Variants in CCDC39 observed in about 807,000 individuals in gnomAD.
The protein encoded by CCDC39 is coiled-coil domain 39 molecular ruler complex subunit.
Under a neutral mutation model 121.0 loss-of-function variants are expected in CCDC39, and 113 were observed. The ratio of observed to expected loss-of-function variants is 0.93; its 90% CI spans 0.80 to 1.09. The LOEUF (loss-of-function observed/expected upper bound fraction) is 1.09, where lower values mean the gene tolerates loss of function less well. CCDC39 is among the 50% of genes least tolerant of loss of function. The pLI, the probability that CCDC39 is intolerant of heterozygous loss-of-function variation, is 0.00. For missense variants in CCDC39, 1,063 were observed against 1,074.7 expected, an observed-to-expected ratio of 0.99 and a Z score of 0.15; for synonymous variants, 349 against 352.2, an observed-to-expected ratio of 0.99 and a Z score of 0.10.
In CCDC39 at chr3:180,614,868, A is replaced by G; in HGVS notation, c.*53T>C. 1 of 1,479,560 alleles carries G rather than the reference A, an allele frequency of 6.8e-7. No homozygotes were observed. Among genetic ancestry groups the G allele is most frequent in the African/African-American group, 1.4e-5 (1 of 70,932 alleles). The allele number at this position is 1,479,560 out of a possible 1,614,324, so 91.7% of individuals were successfully genotyped here. Reference sequence around the variant, plus strand: ...AATGTGTTGGGTCGTTTTGTATTTTAAAGTATATTTTTGTTTTTGTGTTTA... The same window carrying G: ...AATGTGTTGGGTCGTTTTGTATTTTGAAGTATATTTTTGTTTTTGTGTTTA... On this transcript the variant is annotated 3_prime_UTR_variant, in exon 20 of 20. Transcript: ENST00000476379.
intron 10 of CCDC39, 87 bp downstream of exon 10, chr3:180,648,078 T>C: frequency 1.8e-6 from 2 of 1,091,534 alleles, no homozygotes; most frequent in Middle Eastern, 3.0e-4. Flanking sequence ...GGGCTTATAA[T>C]TCTTTGTTTT....
At chr3:180,676,635 A>T (rs924928020) in intron 1 of CCDC39, among the ~76,000 whole-genome samples, 1 of 152,202 alleles carries the variant, frequency 6.6e-6, no homozygotes, top group Non-Finnish European at 1.5e-5. Context: ...CAGCCATCCC[A>T]TTACTGGGTA....
intron 11 of CCDC39, among the ~76,000 whole-genome samples, chr3:180,646,660 G>A (rs779036353): frequency 7.2e-5 from 11 of 151,994 alleles, no homozygotes; most frequent in Non-Finnish European, 1.5e-4. Context: ...ATTTGTTATG[G>A]CAGTTAATAA....
chr3:180,618,168 A>G (rs79374277), intron 16 of CCDC39, among the ~76,000 whole-genome samples: 4 of 152,304 alleles, frequency 2.6e-5, no homozygotes, highest in African/African-American at 9.6e-5. Flanking sequence ...TATGATGTTC[A>G]CACAGTGACA....
intron 1 of CCDC39, among the ~76,000 whole-genome samples, chr3:180,673,995 T>C (rs1712121166): frequency 6.6e-6 from 1 of 152,008 alleles, no homozygotes; most frequent in South Asian, 2.1e-4. Flanking sequence ...TTTAAAGTAG[T>C]TTTTTCCAGT....
intron 9 of CCDC39, among the ~76,000 whole-genome samples, chr3:180,648,690 CAG>C (rs1267490335): frequency 2.0e-5 from 3 of 152,188 alleles, no homozygotes; most frequent in African/African-American, 7.2e-5. Flanking sequence ...TGTACATGCA[CAG>C]AGTTTCCTAA....
chr3:180,620,177 T>G (rs1306420138), intron 14 of CCDC39, among the ~76,000 whole-genome samples: 1 of 150,536 alleles, frequency 6.6e-6, no homozygotes, highest in Non-Finnish European at 1.5e-5. Flanking sequence ...GCACATAGGA[T>G]ACAGAATTCA....
intron 19 of CCDC39, among the ~76,000 whole-genome samples, chr3:180,615,942 TA>T (rs1394984462): frequency 6.6e-6 from 1 of 152,220 alleles, no homozygotes; most frequent in Non-Finnish European, 1.5e-5. Context: ...TACATGTTTT[TA>T]AAAAAATTCC....
At chr3:180,626,868 A>G (rs1235034281) in intron 14 of CCDC39, among the ~76,000 whole-genome samples, 1 of 152,248 alleles carries the variant, frequency 6.6e-6, no homozygotes, top group Non-Finnish European at 1.5e-5. Context: ...TAGTTGCAGT[A>G]GTGTTTCAAG....
chr3:180,640,850 C>T (rs1717937918), intron 13 of CCDC39, among the ~76,000 whole-genome samples: 1 of 151,234 alleles, frequency 6.6e-6, no homozygotes, highest in Non-Finnish European at 1.5e-5. Flanking sequence ...CTTTGAAAAA[C>T]AAAAAAGATA....
At position 180,644,142 on chromosome 3, in the gene CCDC39, T is replaced by C. The variant is rs982941733; in HGVS notation, c.1643A>G (p.Asp548Gly). The change falls in exon 12 of 20, where the codon GAT becomes GGT. Residue 548 changes from aspartate (D) to glycine (G), a missense_variant. Physicochemically the swap from Asp to Gly is moderately conservative, Grantham distance 94. Transcript: ENST00000476379. ...CACCTGCTTAAAACCTTTGGCTTTATCAAGTTCTTTCTCTGATCTGTCGAT... is the reference window on the plus strand; with the variant it reads ...CACCTGCTTAAAACCTTTGGCTTTACCAAGTTCTTTCTCTGATCTGTCGAT... ...LFIDRSEKEL[D>G]KAKGFKQDLM... 2.6e-6 allele frequency: 4 copies of C among 1,545,526 alleles called. No homozygotes were observed. Among genetic ancestry groups the C allele is most frequent in the Non-Finnish European group, 3.5e-6 (4 of 1,144,770 alleles).
chr3:180,633,839 C>CA, intron 13 of CCDC39, among the ~76,000 whole-genome samples: 1 of 152,290 alleles, frequency 6.6e-6, no homozygotes, highest in Middle Eastern at 3.4e-3. Context: ...CCTGACTCTT[C>CA]ACCAGGCAGG....
intron 2 of CCDC39, 84 bp downstream of exon 2, chr3:180,663,783 A>G: frequency 2.4e-6 from 3 of 1,265,410 alleles, no homozygotes; most frequent in Non-Finnish European, 3.4e-6. Context: ...TTCCTATTAT[A>G]GCTGTAAAAA....
chr3:180,671,054 A>G lies in CCDC39; in HGVS notation c.91-7068T>C, dbSNP rs575468212. Reference sequence around the variant, plus strand: ...TGGCAAAACCCTGTGTCTACTAAAAATACAAAAACTAGCTAGGTGTGGTGG... The same window carrying G: ...TGGCAAAACCCTGTGTCTACTAAAAGTACAAAAACTAGCTAGGTGTGGTGG... On this transcript the variant is annotated intron_variant, in intron 1 of 19. Coordinates refer to ENST00000476379, the MANE Select transcript of CCDC39 (RefSeq NM_181426.2). Among the ~76,000 whole-genome samples the G allele has an allele frequency of 5.3e-5, 8 of 152,106 alleles. No individual in the cohort carries two copies. The East Asian group carries it at 1.5e-3, about 29-fold the overall frequency.
chr3:180,653,120 A>T (rs989099404), intron 7 of CCDC39, among the ~76,000 whole-genome samples: 1 of 152,222 alleles, frequency 6.6e-6, no homozygotes, highest in Non-Finnish European at 1.5e-5. Context: ...AAATGGAGTC[A>T]CTTGTGTCAA....
intron 1 of CCDC39, among the ~76,000 whole-genome samples, chr3:180,672,710 C>T (rs1046473395): frequency 3.3e-5 from 5 of 152,126 alleles, no homozygotes; most frequent in Admixed American, 2.6e-4. Context: ...ATTCTGCAGC[C>T]CATGGATCAA....
chr3:180,651,640 T>C (rs1711499516), intron 8 of CCDC39, 107 bp from the exon 9 acceptor site: 1 of 1,092,150 alleles, frequency 9.2e-7, no homozygotes, highest in Non-Finnish European at 1.2e-6. Context: ...GAAGGGGTTT[T>C]TTGCGTAAAC....
chr3:180,633,581 G>A (rs1319950007), intron 13 of CCDC39, among the ~76,000 whole-genome samples: 1 of 152,010 alleles, frequency 6.6e-6, no homozygotes, highest in Non-Finnish European at 1.5e-5. Flanking sequence ...GAGGGGAATA[G>A]GGAGAGAGAG....
At chr3:180,659,350 A>C in intron 6 of CCDC39, 102 bp downstream of exon 6, 2 of 1,430,846 alleles carry the variant, frequency 1.4e-6, no homozygotes, top group Non-Finnish European at 1.9e-6. Context: ...TTGCTACAAA[A>C]GTGACTTTCA....
Sources: gnomAD v4.1 joint callset for allele counts (sites outside exome capture counted in the v4.1 genomes callset) on GRCh38, gnomAD v4.1.1 for gene constraint, MANE v1.5 for transcripts, NCBI Gene and HGNC (gene_info 2026-07-23, HGNC 2026-07-21) for gene names.